The following CHURC1 variants were observed in gnomAD, a reference collection of about 807,000 sequenced individuals.
CHURC1 encodes the protein protein Churchill.
A neutral mutation model predicts 15.4 loss-of-function variants in CHURC1; 12 were observed. That is an observed-to-expected ratio of 0.78 (90% CI 0.50 to 1.27). CHURC1 has a LOEUF of 1.27. Among genes scored for constraint, CHURC1 ranks in the 50% most tolerant of loss-of-function variants. The pLI is 0.00. For synonymous variants in CHURC1, 42 were observed against 47.5 expected (o/e 0.88, Z 0.48); for missense variants, 132 against 137.8 (o/e 0.96, Z 0.21).
Position 64,933,450 on chromosome 14 carries a change from C to A in CHURC1, c.*1220C>A, listed in dbSNP as rs893211148. The A allele has an allele frequency of 3.0e-6, 3 of 985,324 alleles. No individual in the cohort carries two copies. In the East Asian group the frequency reaches 3.4e-4, roughly 112 times the overall value. The allele number at this position is 985,324 out of a possible 1,614,324, so 61.0% of individuals were successfully genotyped here. A position where few individuals can be genotyped will look rare whatever the true frequency, so the allele number is the denominator to read the frequency against. On this transcript the variant is annotated 3_prime_UTR_variant, in exon 4 of 4. Transcript: ENST00000549115. Reference sequence around the variant, plus strand: ...TGAGCACTGGCCAGGAGGTTATAAACTGGCATTTAGGCCTCTCTGCCATTT... The same window carrying A: ...TGAGCACTGGCCAGGAGGTTATAAAATGGCATTTAGGCCTCTCTGCCATTT...
At chr14:64,919,225 C>T (rs1884104481) in intron 1 of CHURC1, among the ~76,000 whole-genome samples, 1 of 152,076 alleles carries the variant, frequency 6.6e-6, no homozygotes, top group African/African-American at 2.4e-5. Context: ...TTTTTCATAT[C>T]AAACTGGAAA....
chr14:64,933,410 C>G lies in CHURC1; in HGVS notation c.*1180C>G, dbSNP rs934476708. 4.1e-6 allele frequency: 4 copies of G among 985,336 alleles called. No homozygotes were observed. Among genetic ancestry groups the G allele is most frequent in the Non-Finnish European group, 4.8e-6 (4 of 829,954 alleles). The allele number at this position is 985,336 out of a possible 1,614,324, so 61.0% of individuals were successfully genotyped here. On this transcript the variant is annotated 3_prime_UTR_variant, in exon 4 of 4. Transcript: ENST00000549115. ...TTTAAAGGGATTTTAGAATATCTTA[C>G]TTTGCATAGTTTCATGAGCACTGGC...
rs143483793 is a variant in CHURC1, at chr14:64,914,847, C to G, written c.39+313C>G. 6.7e-3 allele frequency among the ~76,000 whole-genome samples: 1,026 copies of G among 152,366 alleles called. 13 individuals carry two copies. The highest frequency in any genetic ancestry group is 0.023 in the African/African-American group (972 of 41,582). On this transcript the variant is annotated intron_variant, in intron 1 of 3. Transcript: ENST00000549115. ...CCACCCCCACTTCCGGTCTCATCCT[C>G]AAGCTCGATTTGATGAAGTACAATT...
Position 64,935,023 on chromosome 14 carries a change from A to G in CHURC1, c.*2793A>G, listed in dbSNP as rs1178587461. The G allele has an allele frequency of 2.3e-5, 23 of 982,146 alleles. No homozygotes were observed. The highest frequency in any genetic ancestry group is 2.8e-5 in the Non-Finnish European group (23 of 827,156). The allele number at this position is 982,146 out of a possible 1,614,324, so 60.8% of individuals were successfully genotyped here. The stretch of plus-strand genomic sequence containing the variant: ...ACAGAATCCTTATTTTTCTGTTCAA[A>G]TTAGGAATTAGGGACATGGATGAAA... On this transcript the variant is annotated 3_prime_UTR_variant, in exon 4 of 4. Coordinates refer to ENST00000549115, the MANE Select transcript of CHURC1 (RefSeq NM_001386928.1).
intron 1 of CHURC1, among the ~76,000 whole-genome samples, chr14:64,915,442 G>C (rs1883813051): frequency 6.6e-6 from 1 of 152,148 alleles, no homozygotes; most frequent in South Asian, 2.1e-4. Flanking sequence ...AGGGCAATAG[G>C]GGATAGTGCT....
rs938196082 is a variant in CHURC1 at position 64,934,457 on chromosome 14, G to A, written c.*2227G>A. 6 of 985,308 alleles carry A rather than the reference G, an allele frequency of 6.1e-6. No individual in the cohort carries two copies. The Admixed American group carries it at 2.5e-4, about 40-fold the overall frequency. The allele number at this position is 985,308 out of a possible 1,614,324, so 61.0% of individuals were successfully genotyped here. On this transcript the variant is annotated 3_prime_UTR_variant, in exon 4 of 4. Coordinates refer to ENST00000549115, the MANE Select transcript of CHURC1 (RefSeq NM_001386928.1). ...CTCAGTAATTATGTTTGGCAAATAT[G>A]AAATACAAGGATCTGGCAAGGTTAG...
intron 1 of CHURC1, 124 bp from the exon 2 acceptor site, chr14:64,923,867 C>A: frequency 4.8e-6 from 4 of 828,672 alleles, no homozygotes; most frequent in East Asian, 8.7e-5. Flanking sequence ...TGGTATATGA[C>A]CTAGAAGTAA....
intron 2 of CHURC1, among the ~76,000 whole-genome samples, chr14:64,925,289 T>C (rs1884596325): frequency 6.6e-6 from 1 of 152,236 alleles, no homozygotes; most frequent in Admixed American, 6.5e-5. Context: ...TTAAATTCAC[T>C]TTAATGCCCA....
chr14:64,918,107 A>G (rs1182057439), intron 1 of CHURC1, among the ~76,000 whole-genome samples: 2 of 152,260 alleles, frequency 1.3e-5, no homozygotes, highest in Non-Finnish European at 2.9e-5. Context: ...ATGAAAATAA[A>G]GTATAAGGAA....
intron 3 of CHURC1, among the ~76,000 whole-genome samples, chr14:64,928,091 C>G (rs1300569705): frequency 6.6e-6 from 1 of 152,270 alleles, no homozygotes; most frequent in East Asian, 1.9e-4. Context: ...CAACTTTACT[C>G]TTCCTTCTCT....
At chr14:64,929,001 C>T (rs911032840) in intron 3 of CHURC1, among the ~76,000 whole-genome samples, 2 of 151,958 alleles carry the variant, frequency 1.3e-5, no homozygotes, top group Non-Finnish European at 2.9e-5. Context: ...CCCCTCATCC[C>T]CTCTTTTTTT....
At chr14:64,927,852 C>T (rs1395011450) in intron 3 of CHURC1, among the ~76,000 whole-genome samples, 5 of 152,010 alleles carry the variant, frequency 3.3e-5, no homozygotes, top group African/African-American at 1.2e-4. Flanking sequence ...AGGAGAATCT[C>T]TTGAGTCCAA....
intron 1 of CHURC1, among the ~76,000 whole-genome samples, chr14:64,919,339 A>G (rs1594890979): frequency 6.6e-6 from 1 of 152,222 alleles, no homozygotes; most frequent in East Asian, 1.9e-4. Flanking sequence ...AATGTTAGTG[A>G]TATGTTTAAA....
Position 64,935,353 on chromosome 14 carries a change from A to C in CHURC1, c.*3123A>C. On this transcript the variant is annotated 3_prime_UTR_variant, in exon 4 of 4. Coordinates refer to ENST00000549115, the MANE Select transcript of CHURC1 (RefSeq NM_001386928.1). The stretch of plus-strand genomic sequence containing the variant: ...GTATAATAATAATAAAATAAAAAAA[A>C]AGGAATTAGGCAAAACATGGCTCTT... 1 of 957,172 alleles carries C rather than the reference A, an allele frequency of 1.0e-6. No homozygotes were observed. Among genetic ancestry groups the C allele is most frequent in the African/African-American group, 1.8e-5 (1 of 56,798 alleles). The allele number at this position is 957,172 out of a possible 1,614,324, so 59.3% of individuals were successfully genotyped here. A position where few individuals can be genotyped will look rare whatever the true frequency, so the allele number is the denominator to read the frequency against.
At chr14:64,931,964 G>C (rs572922342) in intron 3 of CHURC1, among the ~76,000 whole-genome samples, 174 bp from the exon 4 acceptor site, 2 of 152,178 alleles carry the variant, frequency 1.3e-5, no homozygotes, top group Non-Finnish European at 2.9e-5. Context: ...TAAACAACAG[G>C]CTCTGGAATA....
At chr14:64,914,623 G>C in intron 1 of CHURC1, 89 bp downstream of exon 1, 2 of 1,589,926 alleles carry the variant, frequency 1.3e-6, no homozygotes, top group Non-Finnish European at 1.7e-6. Flanking sequence ...CCGTACGTGG[G>C]GCGGACTCGG....
rs1167925831 is a variant in CHURC1, at chr14:64,934,783, A to G, written c.*2553A>G. ...TTCCAACTTAGTCATTTGAAGCCCA[A>G]GAGTCTAATTTTATATGCCCTGCCA... On this transcript the variant is annotated 3_prime_UTR_variant, in exon 4 of 4. Coordinates refer to ENST00000549115, the MANE Select transcript of CHURC1 (RefSeq NM_001386928.1). 4.1e-6 allele frequency: 4 copies of G among 985,312 alleles called. No individual in the cohort carries two copies. Among genetic ancestry groups the G allele is most frequent in the African/African-American group, 1.7e-5 (1 of 57,218 alleles). The allele number at this position is 985,312 out of a possible 1,614,324, so 61.0% of individuals were successfully genotyped here.
intron 1 of CHURC1, among the ~76,000 whole-genome samples, chr14:64,919,043 A>C (rs565758844): frequency 1.3e-5 from 2 of 152,356 alleles, no homozygotes; most frequent in South Asian, 2.1e-4. Context: ...GAATTCAAAC[A>C]TGAGTCAAGT....
intron 1 of CHURC1, among the ~76,000 whole-genome samples, chr14:64,917,958 G>C (rs1453206554): frequency 6.6e-6 from 1 of 152,218 alleles, no homozygotes; most frequent in Non-Finnish European, 1.5e-5. Context: ...GTCAAGTGAA[G>C]ATATAAGACT....
Sources: gnomAD v4.1 joint callset for allele counts (sites outside exome capture counted in the v4.1 genomes callset) on GRCh38, gnomAD v4.1.1 for gene constraint, MANE v1.5 for transcripts, NCBI Gene and HGNC (gene_info 2026-07-23, HGNC 2026-07-21) for gene names.